The following ZNF649 variants were observed in gnomAD, a reference collection of about 807,000 sequenced individuals.
ZNF649 encodes the protein zinc finger protein 649.
ZNF649 carries 7 observed loss-of-function variants against 14.1 expected under a neutral mutation model. The observed-to-expected ratio is 0.49, with a 90% confidence interval of 0.28 to 0.93. The LOEUF is 0.93. ZNF649 is among the 40% of genes least tolerant of loss of function. The pLI, the probability that ZNF649 is intolerant of heterozygous loss-of-function variation, is 0.10. For missense variants in ZNF649, 544 were observed against 608.1 expected, an observed-to-expected ratio of 0.89 and a Z score of 1.11; for synonymous variants, 227 against 212.3, an observed-to-expected ratio of 1.07 and a Z score of -0.60.
chr19:51,900,959 T>C (rs1456594027), intron 1 of ZNF649, among the ~76,000 whole-genome samples: 1 of 152,196 alleles, frequency 6.6e-6, no homozygotes, highest in Non-Finnish European at 1.5e-5. Flanking sequence ...AACCACTTAT[T>C]ACTGTGAAAA....
chr19:51,900,045 C>T, intron 2 of ZNF649, 48 bp downstream of exon 2: 1 of 1,452,820 alleles, frequency 6.9e-7, no homozygotes, highest in Non-Finnish European at 9.1e-7. Context: ...CAGACTTCCA[C>T]AAATCCATCA....
chr19:51,902,979 G>C (rs2085103375), intron 1 of ZNF649, among the ~76,000 whole-genome samples: 1 of 152,024 alleles, frequency 6.6e-6, no homozygotes, highest in Non-Finnish European at 1.5e-5. Context: ...GTTATCTCGG[G>C]GTAAATGCTC....
Position 51,896,234 on chromosome 19 carries a change from G to C in ZNF649, c.238+238C>G, listed in dbSNP as rs1159148551. The C allele has an allele frequency of 1.4e-5, 5 of 363,196 alleles. No individual in the cohort carries two copies. The East Asian group carries it at 2.4e-4, about 18-fold the overall frequency. The allele number at this position is 363,196 out of a possible 1,614,324, so 22.5% of individuals were successfully genotyped here. On this transcript the variant is annotated intron_variant, in intron 4 of 4. Coordinates refer to ENST00000354957, the MANE Select transcript of ZNF649 (RefSeq NM_023074.4). ...TGAAAATCCAAGCAAGAAGAACTTA[G>C]GGGAAGCAACTCAACATCTAAGAAG...
intron 2 of ZNF649, chr19:51,897,343 C>A: frequency 5.4e-6 from 1 of 185,760 alleles, no homozygotes; most frequent in East Asian, 1.6e-4. Context: ...GTAAAATATT[C>A]TATATTTTAT....
In ZNF649 at chr19:51,891,037, A is replaced by C. The variant is rs760535709; in HGVS notation, c.1099T>G (p.Tyr367Asp). ...ACAAAGGGAGTCTTTCCTGTATGAT[A>C]TCTCTGATGTGCTACAAGGCAAGAC... ...QKSCLVAHQR[Y>D]HTGKTPFVCP... Residue 367 changes from tyrosine to aspartate, a missense_variant, in exon 5 of 5, where the codon TAT becomes GAT. By Grantham distance (160) the Tyr-to-Asp change is radical. Transcript: ENST00000354957. The surrounding 1 kb of genome is among the most constrained non-coding windows in gnomAD (Gnocchi z 4.2). 3 of 1,614,070 alleles carry C rather than the reference A, an allele frequency of 1.9e-6. No homozygotes were observed. Among genetic ancestry groups the C allele is most frequent in the Admixed American group, 1.7e-5 (1 of 60,002 alleles).
intron 1 of ZNF649, among the ~76,000 whole-genome samples, chr19:51,904,648 T>C (rs1215139242): frequency 6.6e-6 from 1 of 150,992 alleles, no homozygotes; most frequent in Non-Finnish European, 1.5e-5. Flanking sequence ...GCCGGCGTGC[T>C]GGGCAGCGTC....
At chr19:51,892,374 CA>C (rs5828499) in intron 4 of ZNF649, among the ~76,000 whole-genome samples, 482 of 107,568 alleles carry the variant, frequency 4.5e-3, no homozygotes, top group Admixed American at 4.8e-3. Context: ...GACTCCATCT[CA>C]AAAAAAAAAA....
intron 4 of ZNF649, among the ~76,000 whole-genome samples, chr19:51,895,296 A>G (rs1458952609): frequency 1.3e-5 from 2 of 152,196 alleles, no homozygotes; most frequent in Non-Finnish European, 2.9e-5. Flanking sequence ...GTGAAAAACA[A>G]ACCATAATCA....
At chr19:51,903,782 G>A (rs2085108181) in intron 1 of ZNF649, among the ~76,000 whole-genome samples, 1 of 152,196 alleles carries the variant, frequency 6.6e-6, no homozygotes, top group South Asian at 2.1e-4. Flanking sequence ...TCGCACCACT[G>A]CACTCCAGAC....
In ZNF649 at chr19:51,891,382, G is replaced by C; in HGVS notation, c.754C>G (p.His252Asp). ...AFYKRYRLTE[H>D]ERAHKGEKPY... ...TTCTCTCCTTTGTGAGCTCTCTCGT[G>C]TTCAGTGAGCCTGTACCTCTTGTAG... is the stretch of plus-strand genomic sequence containing the variant. Residue 252 changes from histidine (H) to aspartate (D), a missense_variant, in exon 5 of 5, where the codon CAC becomes GAC. Physicochemically the swap from His to Asp is moderately conservative, Grantham distance 81. Transcript: ENST00000354957. The surrounding 1 kb of genome is among the most constrained non-coding windows in gnomAD (Gnocchi z 4.2). 6.2e-7 allele frequency: 1 copy of C among 1,614,104 alleles called. No individual in the cohort carries two copies.
intron 4 of ZNF649, among the ~76,000 whole-genome samples, chr19:51,893,836 T>G (rs1375427259): frequency 6.6e-6 from 1 of 152,154 alleles, no homozygotes; most frequent in Admixed American, 6.5e-5. Context: ...CCTCCCTACT[T>G]CTGAATCAAG....
At chr19:51,904,622 T>C (rs1423501424) in intron 1 of ZNF649, among the ~76,000 whole-genome samples, 2 of 150,304 alleles carry the variant, frequency 1.3e-5, no homozygotes, top group African/African-American at 2.4e-5. Context: ...GTGATAATAA[T>C]GGCGTCGGTG....
At chr19:51,900,407 C>G (rs1270257838) in intron 1 of ZNF649, 113 bp from the exon 2 acceptor site, 1 of 317,482 alleles carries the variant, frequency 3.1e-6, no homozygotes, top group African/African-American at 2.1e-5. Flanking sequence ...TCTAAGCATC[C>G]CTTTGTCAGG....
chr19:51,893,276 A>G (rs971185838), intron 4 of ZNF649, among the ~76,000 whole-genome samples: 3 of 152,120 alleles, frequency 2.0e-5, no homozygotes, highest in African/African-American at 7.2e-5. Flanking sequence ...TTTGCTCACT[A>G]TGCACATGTT....
intron 2 of ZNF649, 192 bp from the exon 3 acceptor site, chr19:51,897,170 G>A: frequency 4.5e-6 from 3 of 668,660 alleles, no homozygotes; most frequent in Non-Finnish European, 7.5e-6. Flanking sequence ...TGGCCTAGTG[G>A]AATCTGCTTA....
At chr19:51,902,397 T>G (rs2085100137) in intron 1 of ZNF649, among the ~76,000 whole-genome samples, 1 of 152,218 alleles carries the variant, frequency 6.6e-6, no homozygotes, top group African/African-American at 2.4e-5. Context: ...CCTGTACCTC[T>G]GATGGACCAG....
intron 1 of ZNF649, 73 bp from the exon 2 acceptor site, chr19:51,900,367 A>C: frequency 2.7e-6 from 1 of 376,790 alleles, no homozygotes; most frequent in Non-Finnish European, 4.7e-6. Flanking sequence ...GCTGCTGTAA[A>C]CTCTCCTGCA....
intron 2 of ZNF649, 58 bp downstream of exon 2, chr19:51,900,035 C>T: frequency 7.0e-7 from 1 of 1,431,944 alleles, no homozygotes; most frequent in Non-Finnish European, 9.3e-7. Flanking sequence ...CTGATTTCTT[C>T]AGACTTCCAC....
Position 51,896,584 on chromosome 19 carries a change from G to A in ZNF649, c.143-17C>T, listed in dbSNP as rs748449805. The A allele has an allele frequency of 1.2e-5, 19 of 1,613,270 alleles. No homozygotes were observed. In the Admixed American group the frequency reaches 2.7e-4, roughly 23 times the overall value. ...CTTGATACCCTGTTTGTGGGAAATGGGAGAAGACTTAGGCTCACTGAATTG... is the reference window on the plus strand; with the variant it reads ...CTTGATACCCTGTTTGTGGGAAATGAGAGAAGACTTAGGCTCACTGAATTG... On this transcript the variant is annotated splice_polypyrimidine_tract_variant and intron_variant, in intron 3 of 4. Coordinates refer to ENST00000354957, the MANE Select transcript of ZNF649 (RefSeq NM_023074.4).
Sources: allele counts gnomAD v4.1 joint callset (sites outside exome capture counted in the v4.1 genomes callset), GRCh38; gene constraint gnomAD v4.1.1; non-coding constraint Gnocchi (gnomAD v3.1); transcripts MANE v1.5; gene names NCBI Gene and HGNC (gene_info 2026-07-23, HGNC 2026-07-21).